Variants in GASK1A observed in about 807,000 individuals in gnomAD.
GASK1A encodes golgi associated kinase 1A.
In GASK1A, 40 loss-of-function variants were observed where a neutral mutation model predicts 41.2. The observed-to-expected ratio is 0.97, with a 90% CI of 0.75 to 1.27. The LOEUF (loss-of-function observed/expected upper bound fraction) is 1.27. Ranked by LOEUF, GASK1A falls within the 50% of genes most tolerant of loss-of-function variation. The pLI is 0.00. For synonymous variants in GASK1A, 316 were observed against 307.1 expected (o/e 1.03, Z -0.30); for missense variants, 678 against 745.1 (o/e 0.91, Z 1.05).
intron 1 of GASK1A, among the ~76,000 whole-genome samples, chr3:42,988,058 G>T (rs1449546523): frequency 1.4e-5 from 2 of 147,308 alleles, no homozygotes; most frequent in Non-Finnish European, 3.0e-5. Flanking sequence ...GTGTGTACGG[G>T]TTTATTTATG....
chr3:43,030,169 C>G (rs2089567433), intron 1 of GASK1A, among the ~76,000 whole-genome samples: 1 of 152,226 alleles, frequency 6.6e-6, no homozygotes, highest in South Asian at 2.1e-4. Context: ...CCACGCCCAG[C>G]TACTTTTTTG....
chr3:42,995,861 C>G (rs780254701), intron 1 of GASK1A, among the ~76,000 whole-genome samples: 19 of 152,206 alleles, frequency 1.2e-4, no homozygotes, highest in South Asian at 4.1e-4. Flanking sequence ...ATCCCCACCC[C>G]CTCTTGATCC....
At chr3:42,990,117 C>T (rs1193989528) in intron 1 of GASK1A, among the ~76,000 whole-genome samples, 23 of 151,882 alleles carry the variant, frequency 1.5e-4, no homozygotes, top group Admixed American at 1.5e-3. Flanking sequence ...TCCCTTGGTT[C>T]AGGAGTTCAA....
intron 1 of GASK1A, among the ~76,000 whole-genome samples, chr3:43,031,350 T>G (rs1209862767): frequency 6.6e-6 from 1 of 152,136 alleles, no homozygotes; most frequent in Non-Finnish European, 1.5e-5. Context: ...CTCTCAAGCT[T>G]AAGCCCACAT....
Position 42,979,660 on chromosome 3 carries a change from A to G in GASK1A, c.3+15A>G. The G allele has an allele frequency of 8.0e-7, 1 of 1,245,612 alleles. No individual in the cohort carries two copies. The highest frequency in any genetic ancestry group is 1.0e-6 in the Non-Finnish European group (1 of 987,586). The allele number at this position is 1,245,612 out of a possible 1,614,324, so 77.2% of individuals were successfully genotyped here. A position where few individuals can be genotyped will look rare whatever the true frequency, so the allele number is the denominator to read the frequency against. On this transcript the variant is annotated intron_variant, in intron 1 of 4. Transcript: ENST00000430121. ...CCGGGGACATGGTAGGACTCGCGGG[A>G]AGGAACGCGCGAGCGGAGGGTGGGG...
chr3:43,009,681 T>G (rs2089454045), intron 1 of GASK1A, among the ~76,000 whole-genome samples: 1 of 152,262 alleles, frequency 6.6e-6, no homozygotes, highest in South Asian at 2.1e-4. Flanking sequence ...GGCAACATCC[T>G]TCTAGCCATA....
At chr3:42,995,159 C>T (rs970780415) in intron 1 of GASK1A, among the ~76,000 whole-genome samples, 2 of 152,128 alleles carry the variant, frequency 1.3e-5, no homozygotes, top group Admixed American at 6.5e-5. Context: ...CTGGGTGTAA[C>T]GAAAACAAAT....
chr3:43,007,342 T>C (rs1575439445), intron 1 of GASK1A, among the ~76,000 whole-genome samples: 4 of 152,338 alleles, frequency 2.6e-5, no homozygotes, highest in African/African-American at 9.6e-5. Flanking sequence ...CCCTCAACTG[T>C]CCCAGGTGTC....
chr3:43,003,572 A>T (rs966226133), intron 1 of GASK1A, among the ~76,000 whole-genome samples: 4 of 152,038 alleles, frequency 2.6e-5, no homozygotes, highest in East Asian at 1.9e-4. Context: ...CTGGCAGCAG[A>T]GTGGTAGCAC....
chr3:43,046,684 G>A (rs749549737), intron 2 of GASK1A, among the ~76,000 whole-genome samples: 6 of 152,212 alleles, frequency 3.9e-5, no homozygotes, highest in Non-Finnish European at 8.8e-5. Flanking sequence ...TGGAGAAAAT[G>A]TTTCCAGGGC....
At position 43,025,768 on chromosome 3, in the gene GASK1A, C is replaced by T. The variant is rs75811869; in HGVS notation, c.4-6499C>T. Among the ~76,000 whole-genome samples the T allele has an allele frequency of 7.6e-3, 1,160 of 152,202 alleles. 10 individuals are homozygous for T. The highest frequency in any genetic ancestry group is 0.027 in the African/African-American group (1,108 of 41,500). On this transcript the variant is annotated intron_variant, in intron 1 of 4. Transcript: ENST00000430121. ...CTGAGGGCTGATTAGTCACTGCATT[C>T]GGTAAGGGCACACTCCTTTCTTCTT...
chr3:43,013,111 A>G (rs62247060), intron 1 of GASK1A, among the ~76,000 whole-genome samples: 58,384 of 138,240 alleles, frequency 0.42, 11,601 homozygotes, highest in Non-Finnish European at 0.47. Flanking sequence ...CACAAGAAGG[A>G]GTGTGTGAAG....
chr3:42,982,212 G>A (rs78852879), intron 1 of GASK1A, among the ~76,000 whole-genome samples: 3,981 of 152,176 alleles, frequency 0.026, 164 homozygotes, highest in African/African-American at 0.083. Flanking sequence ...GGTGGTGGGA[G>A]GTTTGGTGTT....
intron 2 of GASK1A, among the ~76,000 whole-genome samples, chr3:43,046,548 A>C (rs995364632): frequency 6.6e-6 from 1 of 152,230 alleles, no homozygotes; most frequent in African/African-American, 2.4e-5. Flanking sequence ...TCAGAGCATA[A>C]AAGTTTGGAA....
At chr3:43,026,239 T>A (rs1487633763) in intron 1 of GASK1A, among the ~76,000 whole-genome samples, 1 of 152,246 alleles carries the variant, frequency 6.6e-6, no homozygotes, top group Non-Finnish European at 1.5e-5. Context: ...CAAGCCATAT[T>A]TGCAGGATGC....
chr3:43,002,823 T>G (rs1010777400), intron 1 of GASK1A, among the ~76,000 whole-genome samples: 1 of 152,218 alleles, frequency 6.6e-6, no homozygotes, highest in African/African-American at 2.4e-5. Context: ...GTTCACATTG[T>G]ATTTCTATTG....
intron 1 of GASK1A, among the ~76,000 whole-genome samples, chr3:43,003,703 T>A (rs1165179981): frequency 6.6e-6 from 1 of 152,182 alleles, no homozygotes; most frequent in East Asian, 1.9e-4. Flanking sequence ...AGAACTGCTA[T>A]TTACGTTTAT....
intron 1 of GASK1A, among the ~76,000 whole-genome samples, chr3:42,998,297 G>A (rs1259558878): frequency 6.6e-6 from 1 of 152,164 alleles, no homozygotes; most frequent in Admixed American, 6.5e-5. Flanking sequence ...GGCTGAAGAA[G>A]AGGTGGTGGG....
intron 2 of GASK1A, among the ~76,000 whole-genome samples, chr3:43,035,310 A>G (rs1488657330): frequency 6.6e-6 from 1 of 152,092 alleles, no homozygotes. Flanking sequence ...GGGAATGAGT[A>G]CCCTCCAGGT....
Sources: allele counts gnomAD v4.1 joint callset (sites outside exome capture counted in the v4.1 genomes callset), GRCh38; gene constraint gnomAD v4.1.1; transcripts MANE v1.5; gene names NCBI Gene and HGNC (gene_info 2026-07-23, HGNC 2026-07-21).